Variants in SLC44A5 observed in about 807,000 individuals in gnomAD.
SLC44A5 encodes the protein solute carrier family 44 member 5.
SLC44A5 carries 57 observed loss-of-function variants against 101.8 expected under a neutral mutation model. The observed-to-expected ratio is 0.56, with a 90% confidence interval of 0.45 to 0.70. The LOEUF (loss-of-function observed/expected upper bound fraction) is 0.70. SLC44A5 is among the 30% of genes least tolerant of loss of function. The probability of loss-of-function intolerance (pLI) is 0.00; values close to 1 mark genes in which losing one functional copy is unlikely to be tolerated. For missense variants in SLC44A5, 737 were observed against 853.1 expected, an observed-to-expected ratio of 0.86 and a Z score of 1.70; for synonymous variants, 281 against 290.9, an observed-to-expected ratio of 0.97 and a Z score of 0.35.
intron 3 of SLC44A5, among the ~76,000 whole-genome samples, chr1:75,372,060 GTTGGCACATGCCT>G (rs1370294163): frequency 6.6e-6 from 1 of 152,096 alleles, no homozygotes; most frequent in East Asian, 1.9e-4. Context: ...AGCCGGGCAT[GTTGGCACATGCCT>G]GTAATTCCAG....
chr1:75,358,255 A>C (rs899145026), intron 3 of SLC44A5, among the ~76,000 whole-genome samples: 4 of 152,196 alleles, frequency 2.6e-5, no homozygotes, highest in African/African-American at 9.6e-5. Context: ...CATACAGTGA[A>C]TACATGGGGC....
chr1:75,307,765 A>G (rs1655018210), intron 4 of SLC44A5, among the ~76,000 whole-genome samples: 2 of 152,066 alleles, frequency 1.3e-5, no homozygotes, highest in Admixed American at 6.5e-5. Flanking sequence ...CTGTTCCCCA[A>G]TCCACAGCTT....
intron 6 of SLC44A5, among the ~76,000 whole-genome samples, chr1:75,264,790 C>T (rs895278138): frequency 6.0e-5 from 9 of 150,928 alleles, no homozygotes; most frequent in African/African-American, 2.2e-4. Context: ...GAGAAGAGAA[C>T]AAAATAGAGA....
chr1:75,252,908 G>A (rs114342730), intron 6 of SLC44A5, among the ~76,000 whole-genome samples: 3,840 of 152,234 alleles, frequency 0.025, 175 homozygotes, highest in African/African-American at 0.088. Context: ...AGCTGAAAGG[G>A]TTTGGAGGAG....
At chr1:75,608,961 ATTGT>A (rs1262261570) in intron 1 of SLC44A5, among the ~76,000 whole-genome samples, 1 of 151,468 alleles carries the variant, frequency 6.6e-6, no homozygotes. Context: ...CTTATTATTC[ATTGT>A]TTGTCTTCCC....
intron 2 of SLC44A5, among the ~76,000 whole-genome samples, chr1:75,497,886 T>C (rs1385924926): frequency 6.6e-6 from 1 of 152,066 alleles, no homozygotes; most frequent in South Asian, 2.1e-4. Context: ...ACCACAGAAA[T>C]TGATTTTTTG....
intron 6 of SLC44A5, among the ~76,000 whole-genome samples, chr1:75,271,678 G>T (rs1412756172): frequency 6.6e-6 from 1 of 152,002 alleles, no homozygotes; most frequent in Non-Finnish European, 1.5e-5. Context: ...AGTATTCCAT[G>T]GTGTGTATAT....
chr1:75,469,388 G>C (rs1570370495), intron 2 of SLC44A5, among the ~76,000 whole-genome samples: 1 of 152,136 alleles, frequency 6.6e-6, no homozygotes, highest in African/African-American at 2.4e-5. Flanking sequence ...AGCGTGAGCT[G>C]TAACACCATG....
At chr1:75,684,700 A>T in the SLC44A5 span, among the ~76,000 whole-genome samples, 1 of 152,212 alleles carries the variant, frequency 6.6e-6, no homozygotes, top group African/African-American at 2.4e-5. Flanking sequence ...GGTCTTGGGC[A>T]GCTCCGCCCC....
intron 6 of SLC44A5, among the ~76,000 whole-genome samples, chr1:75,260,614 A>G (rs1237203705): frequency 1.3e-5 from 2 of 152,164 alleles, no homozygotes; most frequent in Admixed American, 6.5e-5. Flanking sequence ...AAACAGATCA[A>G]TGAGACAGAA....
chr1:75,708,111 C>G, the SLC44A5 span, among the ~76,000 whole-genome samples: 6 of 151,834 alleles, frequency 4.0e-5, no homozygotes, highest in African/African-American at 1.5e-4. Flanking sequence ...ATATCAAAAT[C>G]CTTAAAAATG....
At chr1:75,354,585 GC>G (rs888562027) in intron 3 of SLC44A5, among the ~76,000 whole-genome samples, 1 of 152,110 alleles carries the variant, frequency 6.6e-6, no homozygotes, top group Non-Finnish European at 1.5e-5. Flanking sequence ...ACTCACGATG[GC>G]CCCCTGGTCC....
the SLC44A5 span, among the ~76,000 whole-genome samples, chr1:75,617,362 C>T: frequency 6.6e-6 from 1 of 152,062 alleles, no homozygotes; most frequent in South Asian, 2.1e-4. Context: ...TGTGGTGCGG[C>T]AAAAAGAACA....
Position 75,428,810 on chromosome 1 carries a change from C to T in SLC44A5, c.14-32189G>A, listed in dbSNP as rs80144253. Reference sequence around the variant, plus strand: ...TCAAGAATCTGAGAGATTGTCTACGCAATACCCCATGTTAAATATAACAAA... The same window carrying T: ...TCAAGAATCTGAGAGATTGTCTACGTAATACCCCATGTTAAATATAACAAA... On this transcript the variant is annotated intron_variant, in intron 2 of 23. Transcript: ENST00000370859. Among the ~76,000 whole-genome samples the T allele has an allele frequency of 2.7e-3, 410 of 152,262 alleles. 15 individuals are homozygous for T. The East Asian group carries it at 0.057, about 21-fold the overall frequency.
intron 2 of SLC44A5, among the ~76,000 whole-genome samples, chr1:75,483,295 A>G (rs1238405253): frequency 1.3e-5 from 2 of 152,194 alleles, no homozygotes; most frequent in East Asian, 3.8e-4. Context: ...AAAAATCCAG[A>G]TATCATTTTT....
chr1:75,606,186 T>C (rs1323698725), intron 1 of SLC44A5, among the ~76,000 whole-genome samples: 2 of 151,980 alleles, frequency 1.3e-5, no homozygotes, highest in Admixed American at 6.6e-5. Flanking sequence ...ACTGGCAAAC[T>C]CTTGTCTTCT....
At chr1:75,536,772 C>T (rs1220661012) in intron 2 of SLC44A5, among the ~76,000 whole-genome samples, 16 of 146,550 alleles carry the variant, frequency 1.1e-4, no homozygotes, top group Non-Finnish European at 1.8e-4. Flanking sequence ...TTTGGGAGGC[C>T]GAGGCGGGCG....
At chr1:75,310,539 C>G (rs1655217453) in intron 4 of SLC44A5, among the ~76,000 whole-genome samples, 1 of 152,220 alleles carries the variant, frequency 6.6e-6, no homozygotes, top group Non-Finnish European at 1.5e-5. Flanking sequence ...AGCTTCTCTA[C>G]TAGCGGACAC....
chr1:75,384,224 A>G (rs1190704133), intron 3 of SLC44A5, among the ~76,000 whole-genome samples: 1 of 152,218 alleles, frequency 6.6e-6, no homozygotes, highest in Admixed American at 6.5e-5. Flanking sequence ...TTTACATGTA[A>G]ATGGACTAAA....
Sources: allele counts gnomAD v4.1 joint callset (sites outside exome capture counted in the v4.1 genomes callset), GRCh38; gene constraint gnomAD v4.1.1; transcripts MANE v1.5; gene names NCBI Gene and HGNC (gene_info 2026-07-23, HGNC 2026-07-21).